The following SPTBN1 variants were observed in gnomAD, a reference collection of about 807,000 sequenced individuals.
SPTBN1 encodes spectrin beta chain, non-erythrocytic 1.
Under a neutral mutation model 266.4 loss-of-function variants are expected in SPTBN1, and 32 were observed. That is an observed-to-expected ratio of 0.12 (90% CI 0.09 to 0.16). The LOEUF is 0.16. Among genes scored for constraint, SPTBN1 ranks in the 10% least tolerant of loss-of-function variants. The pLI is 1.00. For synonymous variants in SPTBN1, 1,336 were observed against 1,162.2 expected, an observed-to-expected ratio of 1.15 and a Z score of -3.04; for missense variants, 2,296 against 3,067.1, an observed-to-expected ratio of 0.75 and a Z score of 5.94.
chr2:54,666,266 A>G (rs1301939500), intron 34 of SPTBN1, among the ~76,000 whole-genome samples, 178 bp downstream of exon 34: 2 of 152,162 alleles, frequency 1.3e-5, no homozygotes, highest in African/African-American at 4.8e-5. Flanking sequence ...TTCTTTGGCA[A>G]CTGTGGCCAG....
chr2:54,605,666 C>G (rs186549786), intron 3 of SPTBN1, among the ~76,000 whole-genome samples: 15 of 152,212 alleles, frequency 9.9e-5, no homozygotes, highest in African/African-American at 3.4e-4. Context: ...CTAAACTTGC[C>G]CAGGTATTGT....
At position 54,554,940 on chromosome 2, in the gene SPTBN1, C is replaced by T. The variant is rs375548014; in HGVS notation, c.148+28374C>T. ...CTTCGTCCTCCTCCTCCTCCTTTCT[C>T]GTTATTTTCTAACTCCCTGTAACCC... On this transcript the variant is annotated intron_variant, in intron 2 of 35. Coordinates refer to ENST00000356805, the MANE Select transcript of SPTBN1 (RefSeq NM_003128.3). This position sits in a 1 kb window ranked among gnomAD's most constrained non-coding sequence, Gnocchi z 4.5. 7.2e-5 allele frequency among the ~76,000 whole-genome samples: 11 copies of T among 152,324 alleles called. No individual in the cohort carries two copies. Among genetic ancestry groups the T allele is most frequent in the Non-Finnish European group, 1.3e-4 (9 of 68,018 alleles).
At chr2:54,544,303 C>T (rs565827418) in intron 2 of SPTBN1, among the ~76,000 whole-genome samples, 4 of 152,258 alleles carry the variant, frequency 2.6e-5, no homozygotes, top group African/African-American at 9.6e-5. Flanking sequence ...CCTTCCTTCA[C>T]ATAAGTATTT....
chr2:54,606,780 C>T (rs1676872198), intron 3 of SPTBN1, among the ~76,000 whole-genome samples: 1 of 152,198 alleles, frequency 6.6e-6, no homozygotes, highest in Non-Finnish European at 1.5e-5. Flanking sequence ...GCACCGATTA[C>T]ACAGGCATCC....
At chr2:54,481,924 G>C (rs4429513) in intron 1 of SPTBN1, among the ~76,000 whole-genome samples, 91,471 of 152,032 alleles carry the variant, frequency 0.6, 28,850 homozygotes, top group African/African-American at 0.8. Flanking sequence ...AAACCTCTTT[G>C]CTTCCTCCTT....
chr2:54,516,600 T>C (rs1477627069), intron 1 of SPTBN1, among the ~76,000 whole-genome samples: 1 of 152,184 alleles, frequency 6.6e-6, no homozygotes, highest in Non-Finnish European at 1.5e-5. Flanking sequence ...TCCCAATAAA[T>C]GCAAATGGAT....
intron 35 of SPTBN1, 76 bp from the exon 36 acceptor site, chr2:54,668,275 A>G: frequency 1.4e-6 from 2 of 1,474,266 alleles, no homozygotes; most frequent in Non-Finnish European, 1.9e-6. Context: ...CAGATGCGCC[A>G]TTCCCAAGCC....
intron 7 of SPTBN1, 129 bp downstream of exon 7, chr2:54,618,322 G>A: frequency 1.3e-6 from 1 of 765,462 alleles, no homozygotes; most frequent in Non-Finnish European, 2.1e-6. Context: ...TTTGGTTATG[G>A]GAATTTTTTG....
intron 1 of SPTBN1, 118 bp from the exon 2 acceptor site, chr2:54,526,254 A>T: frequency 1.3e-6 from 1 of 781,014 alleles, no homozygotes; most frequent in Non-Finnish European, 1.9e-6. Context: ...GCATTGCTCC[A>T]GAAGACCTAT....
At chr2:54,457,938 C>G (rs139748117) in intron 1 of SPTBN1, among the ~76,000 whole-genome samples, 317 of 152,370 alleles carry the variant, frequency 2.1e-3, no homozygotes, top group African/African-American at 6.9e-3. Context: ...GGATCGGAAT[C>G]TGATCTGCGA....
Position 54,629,260 on chromosome 2 carries a change from A to C in SPTBN1, c.2126A>C (p.His709Pro), listed in dbSNP as rs1678566785. 1 of 1,613,930 alleles carries C rather than the reference A, an allele frequency of 6.2e-7. No individual in the cohort carries two copies. Among genetic ancestry groups the C allele is most frequent in the Admixed American group, 1.7e-5 (1 of 60,014 alleles). ...KEGEDMIAEE[H>P]FGSEKIRERI... Reference sequence around the variant, plus strand: ...GGCGAAGACATGATCGCGGAGGAGCACTTCGGGTCGGAGAAGATCCGTGAG... The same window carrying C: ...GGCGAAGACATGATCGCGGAGGAGCCCTTCGGGTCGGAGAAGATCCGTGAG... The change falls in exon 14 of 36, where the codon CAC becomes CCC. Residue 709 changes from histidine to proline, a missense_variant. His to Pro is a moderately conservative substitution (Grantham distance 77). Coordinates refer to ENST00000356805, the MANE Select transcript of SPTBN1 (RefSeq NM_003128.3).
intron 1 of SPTBN1, among the ~76,000 whole-genome samples, chr2:54,501,754 T>C (rs1669280621): frequency 1.3e-5 from 2 of 152,202 alleles, no homozygotes; most frequent in African/African-American, 4.8e-5. Flanking sequence ...CACTGGGCAC[T>C]GCACCGGAGA....
At chr2:54,475,954 C>T (rs1667803114) in intron 1 of SPTBN1, among the ~76,000 whole-genome samples, 1 of 152,080 alleles carries the variant, frequency 6.6e-6, no homozygotes, top group South Asian at 2.1e-4. Context: ...ACCAAAGTGG[C>T]CTTAAAGGTT....
At chr2:54,617,949 A>G (rs982561680) in intron 6 of SPTBN1, 129 bp from the exon 7 acceptor site, 6 of 742,684 alleles carry the variant, frequency 8.1e-6, no homozygotes, top group African/African-American at 7.1e-5. Context: ...TGATTCCATG[A>G]TAGTATATTT....
At chr2:54,491,741 C>G (rs1668694776) in intron 1 of SPTBN1, among the ~76,000 whole-genome samples, 1 of 152,142 alleles carries the variant, frequency 6.6e-6, no homozygotes, top group South Asian at 2.1e-4. Flanking sequence ...CAGATGCATG[C>G]TGCCATACCT....
intron 2 of SPTBN1, among the ~76,000 whole-genome samples, chr2:54,585,102 C>A (rs1244244356): frequency 6.6e-6 from 1 of 152,154 alleles, no homozygotes; most frequent in African/African-American, 2.4e-5. Flanking sequence ...CCCATTTATG[C>A]CCTCTTGTTC....
chr2:54,628,223 G>T lies in SPTBN1; in HGVS notation c.1771G>T (p.Ala591Ser). The change falls in exon 13 of 36, where the codon GCC (alanine) becomes TCC (serine). Residue 591 changes from alanine to serine, a missense_variant. By Grantham distance (99) the Ala-to-Ser change is moderately conservative. Around this residue, in one of 12 missense-constraint regions of SPTBN1, gnomAD observed 434 missense variants for 573.9 expected, o/e 0.76. Transcript: ENST00000356805. This position sits in a 1 kb window ranked among gnomAD's most constrained non-coding sequence, Gnocchi z 4.3. ...AERVRGVNAS[A>S]QKFATDGEGY... ...GCGGGTGAGAGGTGTCAATGCCTCC[G>T]CCCAGAAGTTCGCAACAGACGGGGA... The T allele has an allele frequency of 6.2e-7, 1 of 1,613,452 alleles. No homozygotes were observed. Among genetic ancestry groups the T allele is most frequent in the Non-Finnish European group, 8.5e-7 (1 of 1,179,730 alleles).
intron 24 of SPTBN1, among the ~76,000 whole-genome samples, chr2:54,648,045 G>A (rs1408367690): frequency 2.0e-5 from 3 of 152,190 alleles, no homozygotes; most frequent in African/African-American, 4.8e-5. Flanking sequence ...CTAACTCTTC[G>A]ATATCAAGTG....
intron 18 of SPTBN1, among the ~76,000 whole-genome samples, chr2:54,639,596 A>G (rs1382280023): frequency 6.6e-6 from 1 of 152,268 alleles, no homozygotes; most frequent in African/African-American, 2.4e-5. Flanking sequence ...TTCCACTGAC[A>G]TATGTCGATT....
Sources: gnomAD v4.1 joint callset for allele counts (sites outside exome capture counted in the v4.1 genomes callset) on GRCh38, gnomAD v4.1.1 for gene constraint, gnomAD v4.1.1 regional missense constraint, Gnocchi (gnomAD v3.1) non-coding constraint, MANE v1.5 for transcripts, NCBI Gene and HGNC (gene_info 2026-07-23, HGNC 2026-07-21) for gene names.